MAP4: variants seen among roughly 807,000 people sequenced by gnomAD.
MAP4 encodes microtubule associated protein 4.
A neutral mutation model predicts 170.2 loss-of-function variants in MAP4; 76 were observed. That is an observed-to-expected ratio of 0.45 (90% CI 0.37 to 0.54). The LOEUF is 0.54. Among genes scored for constraint, MAP4 ranks in the 20% least tolerant of loss-of-function variants. The pLI is 0.00. For synonymous variants in MAP4, 909 were observed against 994.5 expected (o/e 0.91, Z 1.62); for missense variants, 2,506 against 2,748.0 (o/e 0.91, Z 1.97).
In MAP4 at chr3:47,876,679, A is replaced by AC. The variant is rs1464917112; in HGVS notation, c.5541+737_5541+738insG. Among the ~76,000 whole-genome samples the AC allele has an allele frequency of 3.9e-5, 6 of 152,182 alleles. No homozygotes were observed. In the South Asian group the frequency reaches 1.2e-3, roughly 31 times the overall value. On this transcript the variant is annotated intron_variant, in intron 11 of 20. Coordinates refer to ENST00000683076, the MANE Select transcript of MAP4 (RefSeq NM_001385682.1). Reference sequence around the variant, plus strand: ...TGGGACAATAGCAGCCACAGCCTACAGTGTGGCTTTTGAACTTTGCAATAA... The same window carrying AC: ...TGGGACAATAGCAGCCACAGCCTACACGTGTGGCTTTTGAACTTTGCAATAA...
In MAP4 at chr3:47,875,695, A is replaced by G. The variant is rs1256507223; in HGVS notation, c.5747T>C (p.Val1916Ala). 3 of 1,612,558 alleles carry G rather than the reference A, an allele frequency of 1.9e-6. No homozygotes were observed. The African/African-American group carries it at 4.0e-5, about 22-fold the overall frequency. The change falls in exon 12 of 21, where the codon GTG (valine) becomes GCG (alanine). Residue 1916 changes from valine to alanine, a missense_variant. Physicochemically the swap from Val to Ala is moderately conservative, Grantham distance 64 (BLOSUM62 0). Transcript: ENST00000683076. ...ARPSILPSKD[V>A]KPKPIADAKA... ...TAGGTGACCACTTACCTTTGGCTTC[A>G]CGTCTTTTGAAGGTAAGATGGAAGG...
intron 3 of MAP4, among the ~76,000 whole-genome samples, chr3:47,936,270 C>A (rs1391210015): frequency 6.6e-6 from 1 of 151,732 alleles, no homozygotes; most frequent in Non-Finnish European, 1.5e-5. Flanking sequence ...CCCGTCTCTA[C>A]TAAGAAAACA....
At chr3:47,948,293 T>C (rs2100061438) in intron 3 of MAP4, among the ~76,000 whole-genome samples, 1 of 148,280 alleles carries the variant, frequency 6.7e-6, no homozygotes, top group African/African-American at 2.5e-5. Flanking sequence ...GAGTGCAGTG[T>C]TGTGATCATA....
intron 2 of MAP4, chr3:47,987,394 TGAAAAGAA>T (rs1271506650): frequency 6.5e-7 from 1 of 1,532,810 alleles, no homozygotes; most frequent in East Asian, 2.4e-5. Context: ...AAGAGGAAGA[TGAAAAGAA>T]AGGCTGGCAG....
chr3:47,953,102 TAG>T (rs2100065541), intron 3 of MAP4, among the ~76,000 whole-genome samples: 1 of 152,082 alleles, frequency 6.6e-6, no homozygotes, highest in Admixed American at 6.6e-5. Context: ...AGGGAATTGA[TAG>T]AGTGATTTTA....
intron 4 of MAP4, among the ~76,000 whole-genome samples, chr3:47,927,116 G>A (rs550106648): frequency 8.2e-5 from 12 of 145,650 alleles, no homozygotes; most frequent in Admixed American, 5.6e-4. Context: ...CTGAGATTGC[G>A]CCACTGCACT....
intron 1 of MAP4, among the ~76,000 whole-genome samples, chr3:48,026,097 A>G (rs1418589804): frequency 6.6e-6 from 1 of 152,060 alleles, no homozygotes; most frequent in Non-Finnish European, 1.5e-5. Context: ...TACATATACA[A>G]TTTCAGCTAA....
chr3:48,068,379 G>C (rs1171074914), intron 1 of MAP4, among the ~76,000 whole-genome samples: 2 of 151,748 alleles, frequency 1.3e-5, no homozygotes, highest in Non-Finnish European at 2.9e-5. Flanking sequence ...AAAGCACCAT[G>C]ATCTCCTTAA....
intron 2 of MAP4, among the ~76,000 whole-genome samples, chr3:47,981,499 G>A (rs180742057): frequency 1.3e-5 from 2 of 152,262 alleles, no homozygotes; most frequent in Admixed American, 6.5e-5. Flanking sequence ...GCCAGGTGCA[G>A]TGGCTCAAGC....
At chr3:47,973,062 C>T (rs1310319462) in intron 3 of MAP4, 2 of 984,566 alleles carry the variant, frequency 2.0e-6, no homozygotes, top group African/African-American at 3.5e-5. Context: ...ATTATGACCC[C>T]AACCAAATCC....
chr3:48,061,217 T>C (rs553513986), intron 1 of MAP4, among the ~76,000 whole-genome samples: 5 of 143,192 alleles, frequency 3.5e-5, no homozygotes, highest in Non-Finnish European at 7.6e-5. Context: ...TCTCCCTCTC[T>C]TTCCACGGTC....
chr3:48,061,446 G>C (rs2100135211), intron 1 of MAP4, among the ~76,000 whole-genome samples: 4 of 151,224 alleles, frequency 2.6e-5, no homozygotes, highest in Admixed American at 2.6e-4. Context: ...TGCCAGCCTA[G>C]GCCTCCTGAG....
intron 10 of MAP4, chr3:47,892,375 G>A (rs1432840071): frequency 1.4e-5 from 21 of 1,536,034 alleles, no homozygotes; most frequent in East Asian, 2.4e-5. Context: ...TCTGCCATTC[G>A]AATCCGGCTT....
chr3:48,010,197 AC>A (rs1207765144), intron 1 of MAP4, among the ~76,000 whole-genome samples: 1 of 152,222 alleles, frequency 6.6e-6, no homozygotes, highest in Non-Finnish European at 1.5e-5. Context: ...CAGGAAAAAA[AC>A]CCATGACCTG....
intron 4 of MAP4, among the ~76,000 whole-genome samples, chr3:47,923,301 G>A (rs1028399443): frequency 2.0e-5 from 3 of 151,514 alleles, no homozygotes; most frequent in African/African-American, 7.3e-5. Flanking sequence ...CATTTTCTTG[G>A]CTCTGAGGCA....
intron 2 of MAP4, among the ~76,000 whole-genome samples, chr3:47,992,083 G>A (rs2100092702): frequency 6.6e-6 from 1 of 151,988 alleles, no homozygotes; most frequent in African/African-American, 2.4e-5. Context: ...CATTAATGAA[G>A]TCTAGGGCCC....
intron 1 of MAP4, among the ~76,000 whole-genome samples, chr3:48,035,938 C>A (rs958188458): frequency 4.6e-5 from 7 of 151,714 alleles, no homozygotes; most frequent in Non-Finnish European, 8.8e-5. Context: ...AGACTCCATC[C>A]CCCCCTCTCA....
Position 47,855,522 on chromosome 3 carries a change from T to C in MAP4, c.6584-162A>G, listed in dbSNP as rs1402404355. On this transcript the variant is annotated intron_variant, in intron 18 of 20. Transcript: ENST00000683076. This position sits in a 1 kb window ranked among gnomAD's most constrained non-coding sequence, Gnocchi z 5.1. Reference sequence around the variant, plus strand: ...ACGTTTGTCTAAAGAGGACTTCTCATATCACAGTGAGGCTGAGACAATCTC... The same window carrying C: ...ACGTTTGTCTAAAGAGGACTTCTCACATCACAGTGAGGCTGAGACAATCTC... 1.3e-5 allele frequency among the ~76,000 whole-genome samples: 2 copies of C among 152,332 alleles called. No individual in the cohort carries two copies. Among genetic ancestry groups the C allele is most frequent in the Non-Finnish European group, 2.9e-5 (2 of 68,038 alleles).
chr3:47,870,770 T>A (rs539196744), intron 15 of MAP4, 43 bp downstream of exon 15: 2 of 1,506,500 alleles, frequency 1.3e-6, no homozygotes, highest in East Asian at 4.6e-5. Context: ...GAGGGGAAGA[T>A]GCAGGGGCCA....
Sources: allele counts gnomAD v4.1 joint callset (sites outside exome capture counted in the v4.1 genomes callset), GRCh38; gene constraint gnomAD v4.1.1; non-coding constraint Gnocchi (gnomAD v3.1); transcripts MANE v1.5; gene names NCBI Gene and HGNC (gene_info 2026-07-23, HGNC 2026-07-21).